The following MDM4 variants were observed in gnomAD, a reference collection of about 807,000 sequenced individuals.
MDM4 encodes MDM4 regulator of p53, also known as protein Mdm4.
A neutral mutation model predicts 60.2 loss-of-function variants in MDM4; 2 were observed. The observed-to-expected ratio is 0.03, with a 90% CI of 0.01 to 0.10. The LOEUF is 0.10. Among genes scored for constraint, MDM4 ranks in the 10% least tolerant of loss-of-function variants. MDM4 has a pLI of 1.00. For synonymous variants in MDM4, 202 were observed against 198.1 expected (o/e 1.02, Z -0.17); for missense variants, 447 against 577.5 (o/e 0.77, Z 2.32).
At chr1:204,532,292 C>T (rs1400107077) in intron 5 of MDM4, 46 bp downstream of exon 5, 2 of 1,221,694 alleles carry the variant, frequency 1.6e-6, no homozygotes, top group East Asian at 2.4e-5. Flanking sequence ...GCTTTGAGTT[C>T]AAGGGGGCAA....
intron 1 of MDM4, among the ~76,000 whole-genome samples, chr1:204,521,432 C>T (rs1000526386): frequency 3.3e-5 from 5 of 151,954 alleles, no homozygotes; most frequent in Non-Finnish European, 5.9e-5. Context: ...ACCTCGAGAC[C>T]GTTGAGTAAG....
chr1:204,526,243 A>G, intron 2 of MDM4, 117 bp from the exon 3 acceptor site: 1 of 796,760 alleles, frequency 1.3e-6, no homozygotes, highest in Non-Finnish European at 2.1e-6. Context: ...GCGACAGAGC[A>G]AGACCTTGCC....
In MDM4 at chr1:204,519,042, C is replaced by T. The variant is rs893220955; in HGVS notation, c.-36+2533C>T. Reference sequence around the variant, plus strand: ...TAGGATGAATCAGTTTTGTACAAAACTCACAGTGCTCCAAATGAAGGGACG... The same window carrying T: ...TAGGATGAATCAGTTTTGTACAAAATTCACAGTGCTCCAAATGAAGGGACG... On this transcript the variant is annotated intron_variant, in intron 1 of 10. Transcript: ENST00000367182. 5.3e-5 allele frequency among the ~76,000 whole-genome samples: 8 copies of T among 152,288 alleles called. No individual in the cohort carries two copies. In the East Asian group the frequency reaches 1.2e-3, roughly 22 times the overall value.
chr1:204,531,709 A>G (rs1660872853), intron 4 of MDM4, among the ~76,000 whole-genome samples: 2 of 152,172 alleles, frequency 1.3e-5, no homozygotes, highest in South Asian at 4.2e-4. Context: ...GCGGGCGCCT[A>G]TAATCCTAGC....
Position 204,556,338 on chromosome 1 carries a change from T to C in MDM4, c.*6656T>C, listed in dbSNP as rs1409963323. 7 of 226,718 alleles carry C rather than the reference T, an allele frequency of 3.1e-5. No individual in the cohort carries two copies. The highest frequency in any genetic ancestry group is 5.3e-5 in the Non-Finnish European group (6 of 113,958). The allele number at this position is 226,718 out of a possible 1,614,324, so 14.0% of individuals were successfully genotyped here. ...TATCTAATAAAGTAACAACTCGTAG[T>C]TGAGGCTTCCTTTCTGTGTGTGATG... On this transcript the variant is annotated 3_prime_UTR_variant, in exon 11 of 11. Coordinates refer to ENST00000367182, the MANE Select transcript of MDM4 (RefSeq NM_002393.5).
chr1:204,524,149 A>G (rs1572454230), intron 1 of MDM4, among the ~76,000 whole-genome samples: 1 of 152,238 alleles, frequency 6.6e-6, no homozygotes, highest in Non-Finnish European at 1.5e-5. Flanking sequence ...TTAAACTTTT[A>G]AAGTTTTAAA....
rs896312889 is a variant in MDM4 at position 204,553,626 on chromosome 1, CAAATT to C, written c.*3947_*3951del. The C allele has an allele frequency of 4.4e-6, 1 of 227,736 alleles. No homozygotes were observed. The highest frequency in any genetic ancestry group is 2.2e-5 in the African/African-American group (1 of 45,156). 14.1% of individuals were successfully genotyped at this position (227,736 alleles called of 1,614,324 possible). A position where few individuals can be genotyped will look rare whatever the true frequency, so the allele number is the denominator to read the frequency against. On this transcript the variant is annotated 3_prime_UTR_variant, in exon 11 of 11. Transcript: ENST00000367182. ...CCATCAGATTTCTTGTTTTAGTTGTCAAATTAATATTTATGATTGTTATCTTGGGC... is the reference window on the plus strand; with the variant it reads ...CCATCAGATTTCTTGTTTTAGTTGTCAATATTTATGATTGTTATCTTGGGC...
intron 3 of MDM4, among the ~76,000 whole-genome samples, chr1:204,527,296 G>GA (rs1156660295): frequency 1.3e-5 from 2 of 151,700 alleles, no homozygotes; most frequent in East Asian, 1.9e-4. Context: ...CCCTGTCTCA[G>GA]AAAAAAAAGA....
chr1:204,545,772 C>G (rs1662593771), intron 9 of MDM4, among the ~76,000 whole-genome samples: 1 of 152,136 alleles, frequency 6.6e-6, no homozygotes, highest in African/African-American at 2.4e-5. Context: ...AGTGGTCCTT[C>G]CACTTCAGCC....
At chr1:204,529,026 A>G in intron 3 of MDM4, 8 of 1,510,692 alleles carry the variant, frequency 5.3e-6, no homozygotes, top group Non-Finnish European at 7.3e-6. Flanking sequence ...GGAGACCAGT[A>G]GCTGGGTGAA....
chr1:204,537,116 T>TA (rs1661506703), intron 5 of MDM4: 1 of 356,220 alleles, frequency 2.8e-6, no homozygotes. Flanking sequence ...TAGACTCCAT[T>TA]ATGTCCTGCT....
At chr1:204,517,290 A>G (rs573166108) in intron 1 of MDM4, among the ~76,000 whole-genome samples, 1 of 152,128 alleles carries the variant, frequency 6.6e-6, no homozygotes, top group East Asian at 1.9e-4. Flanking sequence ...ACTGAAACCT[A>G]CAGACAGTAT....
rs541154899 is a variant in MDM4, at chr1:204,539,435, A to C, written c.511+1127A>C. On this transcript the variant is annotated intron_variant, in intron 7 of 10. Coordinates refer to ENST00000367182, the MANE Select transcript of MDM4 (RefSeq NM_002393.5). ...ATTTGAAAGATTGTAATGCTCTTTT[A>C]GCAACTCATGAGTACTAGGATGGTG... Among the ~76,000 whole-genome samples, 104 of 152,214 alleles carry C rather than the reference A, an allele frequency of 6.8e-4. 2 individuals carry two copies. The South Asian group carries it at 0.011, about 16-fold the overall frequency.
intron 5 of MDM4, among the ~76,000 whole-genome samples, chr1:204,533,700 C>T (rs1473625529): frequency 6.6e-6 from 1 of 152,044 alleles, no homozygotes; most frequent in Admixed American, 6.6e-5. Context: ...GTCTTTTGCA[C>T]TGTCTTTTGA....
chr1:204,516,708 A>C (rs987386911), intron 1 of MDM4, among the ~76,000 whole-genome samples, 199 bp downstream of exon 1: 20 of 152,148 alleles, frequency 1.3e-4, no homozygotes, highest in African/African-American at 4.8e-4. Context: ...CTCGCGGAAG[A>C]TAAAAGTGGA....
intron 4 of MDM4, among the ~76,000 whole-genome samples, 189 bp downstream of exon 4, chr1:204,531,006 A>G (rs1417747740): frequency 6.6e-6 from 1 of 152,248 alleles, no homozygotes; most frequent in Non-Finnish European, 1.5e-5. Flanking sequence ...TATACAGAGT[A>G]GTGAGTCAGT....
rs1367986371 is a variant in MDM4 at position 204,549,108 on chromosome 1, T to G, written c.904-5T>G. ...AGTATTAATTGGCTTCACTTGTCTT[T>G]GTAGGATGAGTGGCAGTGTACTGAA... On this transcript the variant is annotated splice_region_variant and splice_polypyrimidine_tract_variant and intron_variant, in intron 10 of 10. Coordinates refer to ENST00000367182, the MANE Select transcript of MDM4 (RefSeq NM_002393.5). The G allele has an allele frequency of 1.9e-6, 3 of 1,574,336 alleles. No homozygotes were observed. In the African/African-American group the frequency reaches 4.1e-5, roughly 21 times the overall value.
chr1:204,536,092 T>A (rs1208932109), intron 5 of MDM4, among the ~76,000 whole-genome samples: 1 of 152,102 alleles, frequency 6.6e-6, no homozygotes, highest in African/African-American at 2.4e-5. Flanking sequence ...AAATCCTGTC[T>A]CTACTAAAAA....
In MDM4 at chr1:204,538,253, A is replaced by G. The variant is rs759826464; in HGVS notation, c.456A>G (p.Glu152=). 6.8e-6 allele frequency: 11 copies of G among 1,612,316 alleles called. No individual in the cohort carries two copies. The highest frequency in any genetic ancestry group is 1.3e-5 in the African/African-American group (1 of 74,900). ...ESSTSRKRTT[E]DDIPTLPTSE... ...CCACTTCCAGAAAAAGAACTACAGA[A>G]GACGATATCCCCACACTGCCTACCT... The change falls in exon 7 of 11, where the codon GAA becomes GAG. Residue 152 remains glutamate, a synonymous_variant. Coordinates refer to ENST00000367182, the MANE Select transcript of MDM4 (RefSeq NM_002393.5).
Sources: allele counts gnomAD v4.1 joint callset (sites outside exome capture counted in the v4.1 genomes callset), GRCh38; gene constraint gnomAD v4.1.1; transcripts MANE v1.5; gene names NCBI Gene and HGNC (gene_info 2026-07-23, HGNC 2026-07-21).